Variants in SLC25A48 observed in about 807,000 individuals in gnomAD.
SLC25A48 encodes the protein solute carrier family 25 member 48, also known as CTC-321K16.1.
In SLC25A48, 29 loss-of-function variants were observed where a neutral mutation model predicts 32.2. That is an observed-to-expected ratio of 0.90 (90% CI 0.67 to 1.23). The LOEUF is 1.23. Ranked by LOEUF, SLC25A48 falls within the 50% of genes most tolerant of loss-of-function variation. SLC25A48 has a pLI of 0.00. For missense variants in SLC25A48, 399 were observed against 422.7 expected (o/e 0.94, Z 0.49); for synonymous variants, 164 against 172.3 (o/e 0.95, Z 0.38).
At chr5:135,731,774 T>C (rs959532644) in intron 3 of SLC25A48, among the ~76,000 whole-genome samples, 2 of 152,230 alleles carry the variant, frequency 1.3e-5, no homozygotes, top group Non-Finnish European at 2.9e-5. Context: ...AGGTTCAGCA[T>C]GGCCCTGCCA....
At chr5:135,870,842 A>C (rs777942616) in intron 4 of SLC25A48, among the ~76,000 whole-genome samples, 3 of 152,084 alleles carry the variant, frequency 2.0e-5, no homozygotes, top group Admixed American at 6.5e-5. Flanking sequence ...CTGCCTTGCC[A>C]AGGTAAATTT....
intron 7 of SLC25A48, among the ~76,000 whole-genome samples, chr5:135,884,575 T>TTCA (rs1196577246): frequency 8.6e-5 from 13 of 151,956 alleles, no homozygotes; most frequent in African/African-American, 3.1e-4. Context: ...GGAGAGGCTC[T>TTCA]ATTGATGGGA....
chr5:135,678,173 T>C (rs1010325895), intron 3 of SLC25A48, among the ~76,000 whole-genome samples: 1 of 152,246 alleles, frequency 6.6e-6, no homozygotes, highest in Non-Finnish European at 1.5e-5. Context: ...TTTCACGTTA[T>C]GGTGTCACAT....
intron 1 of SLC25A48, among the ~76,000 whole-genome samples, chr5:135,610,719 T>C (rs1456117609): frequency 6.6e-6 from 1 of 152,226 alleles, no homozygotes. Flanking sequence ...ACTTCAGTAC[T>C]TGGAATCCTC....
chr5:135,606,808 AAG>A (rs1335630318), intron 1 of SLC25A48, among the ~76,000 whole-genome samples: 4 of 152,180 alleles, frequency 2.6e-5, no homozygotes, highest in Non-Finnish European at 5.9e-5. Flanking sequence ...AACCATAAAT[AAG>A]AGGTTTTCCA....
chr5:135,753,386 G>A (rs1394943622), intron 3 of SLC25A48, among the ~76,000 whole-genome samples: 1 of 151,756 alleles, frequency 6.6e-6, no homozygotes, highest in African/African-American at 2.4e-5. Context: ...TTAGTATCAC[G>A]GGCTGTACAC....
intron 4 of SLC25A48, among the ~76,000 whole-genome samples, chr5:135,853,858 C>G (rs560250011): frequency 6.6e-6 from 1 of 152,270 alleles, no homozygotes; most frequent in African/African-American, 2.4e-5. Context: ...AAATGACTAT[C>G]TATGGCAACT....
intron 3 of SLC25A48, among the ~76,000 whole-genome samples, chr5:135,655,121 A>G (rs928867330): frequency 2.6e-5 from 4 of 152,134 alleles, no homozygotes; most frequent in African/African-American, 9.7e-5. Flanking sequence ...ACAAAGCGGG[A>G]AGCGAATCCG....
intron 4 of SLC25A48, among the ~76,000 whole-genome samples, chr5:135,864,395 T>C (rs1457686888): frequency 6.6e-6 from 1 of 152,178 alleles, no homozygotes; most frequent in Non-Finnish European, 1.5e-5. Flanking sequence ...TTTCCAAGAC[T>C]TTCCCAGTAC....
chr5:135,626,171 A>G (rs1401790243), intron 1 of SLC25A48, among the ~76,000 whole-genome samples: 1 of 152,058 alleles, frequency 6.6e-6, no homozygotes, highest in East Asian at 1.9e-4. Context: ...GCCTGCCTTC[A>G]CTCCCCTTTT....
chr5:135,754,940 G>T (rs567951813), intron 3 of SLC25A48, among the ~76,000 whole-genome samples: 1 of 152,030 alleles, frequency 6.6e-6, no homozygotes, highest in African/African-American at 2.4e-5. Context: ...TACACACCAA[G>T]ATATTAATGA....
At position 135,658,969 on chromosome 5, in the gene SLC25A48, G is replaced by T. The variant is rs867892559; in HGVS notation, c.-521+24013G>T. Among the ~76,000 whole-genome samples the T allele has an allele frequency of 2.0e-5, 3 of 152,318 alleles. No individual in the cohort carries two copies. In the East Asian group the frequency reaches 5.8e-4, roughly 29 times the overall value. On this transcript the variant is annotated intron_variant, in intron 3 of 10. Coordinates refer to the SLC25A48 transcript ENST00000646290. Reference sequence around the variant, plus strand: ...TTTTCCCTCTTATGCCTCTAGACCCGTGATGGGAGGGGCTGCTGCTAAGGT... The same window carrying T: ...TTTTCCCTCTTATGCCTCTAGACCCTTGATGGGAGGGGCTGCTGCTAAGGT...
intron 3 of SLC25A48, among the ~76,000 whole-genome samples, chr5:135,682,257 C>A (rs1183944751): frequency 2.0e-5 from 3 of 152,154 alleles, no homozygotes; most frequent in African/African-American, 7.2e-5. Context: ...CTGAGCCCTG[C>A]AGTCTGATGT....
intron 3 of SLC25A48, among the ~76,000 whole-genome samples, chr5:135,779,405 G>A (rs969977696): frequency 1.4e-4 from 21 of 151,408 alleles, no homozygotes; most frequent in African/African-American, 4.9e-4. Context: ...ATATTCAGGG[G>A]GGTCAGGATG....
At chr5:135,637,281 A>T (rs898652947) in intron 3 of SLC25A48, among the ~76,000 whole-genome samples, 7 of 152,240 alleles carry the variant, frequency 4.6e-5, no homozygotes, top group Non-Finnish European at 8.8e-5. Flanking sequence ...CTTCGTAAAG[A>T]GGTGGCTGCT....
intron 3 of SLC25A48, among the ~76,000 whole-genome samples, chr5:135,685,430 AC>A (rs906520122): frequency 8.5e-6 from 1 of 117,822 alleles, no homozygotes; most frequent in African/African-American, 3.0e-5. Flanking sequence ...AGATGTAAGG[AC>A]TTTTTTTTTT....
chr5:135,782,087 G>T (rs1479864271), intron 3 of SLC25A48, among the ~76,000 whole-genome samples: 6 of 115,620 alleles, frequency 5.2e-5, no homozygotes, highest in African/African-American at 1.6e-4. Flanking sequence ...CCAGGGCAGA[G>T]ATTAGGATAC....
chr5:135,807,404 T>C (rs1162379910), intron 3 of SLC25A48, among the ~76,000 whole-genome samples: 1 of 150,760 alleles, frequency 6.6e-6, no homozygotes, highest in East Asian at 2.0e-4. Context: ...GGATATTTCA[T>C]TAATATCCTA....
At chr5:135,683,237 G>A (rs1252409716) in intron 3 of SLC25A48, among the ~76,000 whole-genome samples, 1 of 152,152 alleles carries the variant, frequency 6.6e-6, no homozygotes, top group African/African-American at 2.4e-5. Context: ...GAGGGCAGGG[G>A]GGCAGAGAGT....
Sources: gnomAD v4.1 joint callset for allele counts (sites outside exome capture counted in the v4.1 genomes callset) on GRCh38, gnomAD v4.1.1 for gene constraint, MANE v1.5 for transcripts, NCBI Gene and HGNC (gene_info 2026-07-23, HGNC 2026-07-21) for gene names.